The following PTPRM variants were observed in gnomAD, a reference collection of about 807,000 sequenced individuals.
PTPRM encodes the protein protein tyrosine phosphatase receptor type M.
A neutral mutation model predicts 186.7 loss-of-function variants in PTPRM; 47 were observed. The ratio of observed to expected loss-of-function variants is 0.25; its 90% CI spans 0.20 to 0.32. The LOEUF (loss-of-function observed/expected upper bound fraction) is 0.32, where lower values mean the gene tolerates loss of function less well. Ranked by LOEUF, PTPRM falls within the 10% of genes least tolerant of loss-of-function variation. The probability of loss-of-function intolerance (pLI) is 1.00; values close to 1 mark genes in which losing one functional copy is unlikely to be tolerated. For synonymous variants in PTPRM, 668 were observed against 674.9 expected, an observed-to-expected ratio of 0.99 and a Z score of 0.16; for missense variants, 1,494 against 1,865.0, an observed-to-expected ratio of 0.80 and a Z score of 3.66.
chr18:7,696,008 T>C (rs943000318), intron 1 of PTPRM, among the ~76,000 whole-genome samples: 1 of 152,240 alleles, frequency 6.6e-6, no homozygotes, highest in Non-Finnish European at 1.5e-5. Context: ...TCAGAAATCA[T>C]TTGATGTCAG....
rs762508034 is a variant in PTPRM at position 7,926,657 on chromosome 18, G to A, written c.637G>A (p.Val213Met). The change falls in exon 5 of 33, where the codon GTG (valine) becomes ATG (methionine). Residue 213 changes from valine to methionine, a missense_variant. Coordinates refer to ENST00000580170, the MANE Select transcript of PTPRM (RefSeq NM_001105244.2). ...CCAGTGCAGTGCCATCGGCAGGACCGTGGCAGGAGACAGGCTCTGGTTACA... is the reference window on the plus strand; with the variant it reads ...CCAGTGCAGTGCCATCGGCAGGACCATGGCAGGAGACAGGCTCTGGTTACA... The part of the protein sequence containing the change: ...TFQCSAIGRT[V>M]AGDRLWLQGI... 36 of 1,612,626 alleles carry A rather than the reference G, an allele frequency of 2.2e-5. No homozygotes were observed. Among genetic ancestry groups the A allele is most frequent in the South Asian group, 8.8e-5 (8 of 90,858 alleles).
chr18:8,267,069 T>A (rs2094709765), intron 19 of PTPRM, among the ~76,000 whole-genome samples: 2 of 152,180 alleles, frequency 1.3e-5, no homozygotes, highest in Admixed American at 1.3e-4. Context: ...ATAATTGTAA[T>A]GTATTCAGTG....
chr18:7,784,593 T>C (rs949557594), intron 2 of PTPRM, among the ~76,000 whole-genome samples: 22 of 152,232 alleles, frequency 1.4e-4, no homozygotes, highest in African/African-American at 5.3e-4. Context: ...TATAAAACTA[T>C]GTTTCAGCTT....
intron 11 of PTPRM, among the ~76,000 whole-genome samples, chr18:8,105,033 G>A (rs1369478860): frequency 6.6e-6 from 1 of 152,148 alleles, no homozygotes; most frequent in Admixed American, 6.5e-5. Context: ...TTTTGTCACA[G>A]TTTTCAAACC....
Position 8,343,081 on chromosome 18 carries a change from G to A in PTPRM, c.2957-342G>A, listed in dbSNP as rs142329167. Among the ~76,000 whole-genome samples, 607 of 152,236 alleles carry A rather than the reference G, an allele frequency of 4.0e-3. 2 individuals carry two copies. The highest frequency in any genetic ancestry group is 6.8e-3 in the Middle Eastern group (2 of 294). On this transcript the variant is annotated intron_variant, in intron 22 of 32. Coordinates refer to ENST00000580170, the MANE Select transcript of PTPRM (RefSeq NM_001105244.2). ...GCTAATTGTTAGCAGAAAGAGTAAT[G>A]TTATCTATTTTTTAAAATTTCACTC...
intron 14 of PTPRM, among the ~76,000 whole-genome samples, chr18:8,240,820 GAGAGAGAAAGAAA>G (rs2094424841): frequency 3.9e-5 from 1 of 25,702 alleles, no homozygotes; most frequent in African/African-American, 2.4e-4. Flanking sequence ...GAGAGAGAGA[GAGAGAGAAAGAAA>G]GAAAGAAAGA....
Position 7,823,940 on chromosome 18 carries a change from T to C in PTPRM, c.196+49669T>C, listed in dbSNP as rs79841704. ...CTCTAGAGAACCCTGACTAATATACTTGGACAAAAGGGGCCCCAAGCCCCA... is the reference window on the plus strand; with the variant it reads ...CTCTAGAGAACCCTGACTAATATACCTGGACAAAAGGGGCCCCAAGCCCCA... On this transcript the variant is annotated intron_variant, in intron 2 of 32. Coordinates refer to ENST00000580170, the MANE Select transcript of PTPRM (RefSeq NM_001105244.2). Among the ~76,000 whole-genome samples, 888 of 152,300 alleles carry C rather than the reference T, an allele frequency of 5.8e-3. 4 individuals carry two copies. Among genetic ancestry groups the C allele is most frequent in the Non-Finnish European group, 8.0e-3 (542 of 68,020 alleles).
At chr18:7,728,675 C>T (rs2040596314) in intron 1 of PTPRM, among the ~76,000 whole-genome samples, 1 of 152,242 alleles carries the variant, frequency 6.6e-6, no homozygotes, top group African/African-American at 2.4e-5. Flanking sequence ...CGGTCTTCAG[C>T]CTTCAGGCTG....
intron 19 of PTPRM, among the ~76,000 whole-genome samples, chr18:8,255,207 G>A (rs1220486770): frequency 6.6e-6 from 1 of 152,186 alleles, no homozygotes; most frequent in Admixed American, 6.5e-5. Context: ...GAATAGGGAT[G>A]ATGTCTAGGT....
At chr18:7,576,606 G>T (rs2036694021) in intron 1 of PTPRM, among the ~76,000 whole-genome samples, 1 of 152,136 alleles carries the variant, frequency 6.6e-6, no homozygotes, top group South Asian at 2.1e-4. Flanking sequence ...CTCCTGAGCA[G>T]CTGGGTCCAT....
intron 14 of PTPRM, among the ~76,000 whole-genome samples, chr18:8,195,999 T>C (rs948651861): frequency 6.6e-6 from 1 of 152,204 alleles, no homozygotes; most frequent in Non-Finnish European, 1.5e-5. Flanking sequence ...TACTAGTTAG[T>C]TGGTATTCCT....
intron 7 of PTPRM, among the ~76,000 whole-genome samples, chr18:7,982,402 C>T (rs1437955528): frequency 2.0e-5 from 3 of 151,722 alleles, no homozygotes; most frequent in African/African-American, 7.3e-5. Flanking sequence ...TCCACATCCT[C>T]TCCCACTGGA....
At chr18:7,768,744 G>A (rs2042138287) in intron 1 of PTPRM, among the ~76,000 whole-genome samples, 3 of 151,326 alleles carry the variant, frequency 2.0e-5, no homozygotes, top group Admixed American at 6.6e-5. Context: ...CCTCCCAGGT[G>A]CAAGTGATTC....
intron 2 of PTPRM, among the ~76,000 whole-genome samples, chr18:7,881,917 G>T (rs2048528733): frequency 6.6e-6 from 1 of 152,062 alleles, no homozygotes; most frequent in Admixed American, 6.5e-5. Flanking sequence ...GTAGTCAAAG[G>T]GGTTGGCTTT....
chr18:8,202,708 TTTTA>T (rs373155731), intron 14 of PTPRM, among the ~76,000 whole-genome samples: 408 of 152,302 alleles, frequency 2.7e-3, no homozygotes, highest in African/African-American at 9.3e-3. Flanking sequence ...CATCGCAGCT[TTTTA>T]TTTCTTTACA....
intron 24 of PTPRM, among the ~76,000 whole-genome samples, chr18:8,371,961 C>T (rs887941442): frequency 6.7e-6 from 1 of 150,110 alleles, no homozygotes; most frequent in Non-Finnish European, 1.5e-5. Context: ...TTGTTAGCTT[C>T]TACTCATGTA....
intron 7 of PTPRM, among the ~76,000 whole-genome samples, chr18:7,977,015 C>T (rs925340690): frequency 2.0e-5 from 3 of 151,574 alleles, no homozygotes; most frequent in Non-Finnish European, 4.4e-5. Context: ...ATTGTAAATC[C>T]ATTCCTCATA....
rs184915730 is a variant in PTPRM at position 8,049,717 on chromosome 18, T to A, written c.1133-19969T>A. On this transcript the variant is annotated intron_variant, in intron 7 of 32. Transcript: ENST00000580170. Reference sequence around the variant, plus strand: ...TCCATGAAAGTCTGTGAGGTTTTTTTTTTTTCTTTTTTGAGATGAAATCTT... The same window carrying A: ...TCCATGAAAGTCTGTGAGGTTTTTTATTTTTCTTTTTTGAGATGAAATCTT... Among the ~76,000 whole-genome samples the A allele has an allele frequency of 3.8e-4, 57 of 151,264 alleles. 1 individual carries two copies. Among genetic ancestry groups the A allele is most frequent in the South Asian group, 1.5e-3 (7 of 4,728 alleles).
chr18:8,244,963 T>A (rs2094464058), intron 15 of PTPRM, among the ~76,000 whole-genome samples: 1 of 152,184 alleles, frequency 6.6e-6, no homozygotes, highest in South Asian at 2.1e-4. Flanking sequence ...CTGAGCTGCA[T>A]AACCAGGATT....
Sources: allele counts gnomAD v4.1 joint callset (sites outside exome capture counted in the v4.1 genomes callset), GRCh38; gene constraint gnomAD v4.1.1; transcripts MANE v1.5; gene names NCBI Gene and HGNC (gene_info 2026-07-23, HGNC 2026-07-21).